The following HHAT variants were observed in gnomAD, a reference collection of about 807,000 sequenced individuals.
HHAT encodes the protein protein-cysteine N-palmitoyltransferase HHAT.
HHAT carries 47 observed loss-of-function variants against 70.8 expected under a neutral mutation model. The observed-to-expected ratio is 0.66, with a 90% confidence interval of 0.53 to 0.85. The LOEUF (loss-of-function observed/expected upper bound fraction) is 0.85. HHAT is among the 40% of genes least tolerant of loss of function. HHAT has a pLI of 0.00. For synonymous variants in HHAT, 228 were observed against 247.6 expected (o/e 0.92, Z 0.74); for missense variants, 609 against 604.8 (o/e 1.01, Z -0.07).
chr1:210,331,615 C>T (rs112308052), intron 1 of HHAT, among the ~76,000 whole-genome samples: 7,414 of 152,270 alleles, frequency 0.049, 235 homozygotes, highest in South Asian at 0.095. Context: ...AATGCTCAAA[C>T]TCTTTTGAAA....
chr1:210,585,811 A>G (rs1660313061), intron 9 of HHAT, among the ~76,000 whole-genome samples: 1 of 152,174 alleles, frequency 6.6e-6, no homozygotes, highest in East Asian at 1.9e-4. Flanking sequence ...AAGAGGAAAC[A>G]TTGGGAAATA....
intron 7 of HHAT, among the ~76,000 whole-genome samples, chr1:210,438,131 C>T (rs1287599432): frequency 6.6e-6 from 1 of 151,652 alleles, no homozygotes; most frequent in Non-Finnish European, 1.5e-5. Context: ...AGGAGGAGTT[C>T]TCTTTTCCTG....
chr1:210,566,609 G>A (rs551645995), intron 9 of HHAT, among the ~76,000 whole-genome samples: 30 of 152,240 alleles, frequency 2.0e-4, no homozygotes, highest in Middle Eastern at 3.4e-3. Flanking sequence ...AAGGGGAGAA[G>A]AGAAGGAATG....
At chr1:210,359,160 GCTT>G (rs1037335976) in intron 2 of HHAT, among the ~76,000 whole-genome samples, 3 of 152,150 alleles carry the variant, frequency 2.0e-5, no homozygotes, top group African/African-American at 7.2e-5. Flanking sequence ...GGCACAGAAG[GCTT>G]CTTTTCTGTT....
At chr1:210,379,725 C>A (rs536186559) in intron 3 of HHAT, among the ~76,000 whole-genome samples, 1 of 152,268 alleles carries the variant, frequency 6.6e-6, no homozygotes, top group Admixed American at 6.5e-5. Flanking sequence ...GTTGTTTGTT[C>A]GTTTATTTAC....
chr1:210,332,987 C>T (rs776097931), intron 1 of HHAT, among the ~76,000 whole-genome samples: 14 of 152,078 alleles, frequency 9.2e-5, no homozygotes, highest in Non-Finnish European at 1.9e-4. Flanking sequence ...GTGACTGAGA[C>T]AAATGTGCAG....
intron 9 of HHAT, among the ~76,000 whole-genome samples, chr1:210,513,894 A>T (rs867003956): frequency 2.6e-5 from 4 of 152,234 alleles, no homozygotes; most frequent in Admixed American, 1.3e-4. Context: ...TTGCCGAAAG[A>T]CTGCAAGCTA....
chr1:210,662,178 A>G (rs1434857151), intron 11 of HHAT, among the ~76,000 whole-genome samples: 3 of 152,184 alleles, frequency 2.0e-5, no homozygotes, highest in African/African-American at 7.2e-5. Context: ...GGAGCTGAAC[A>G]TAAGTTGTAG....
At chr1:210,456,564 G>A (rs778589890) in intron 7 of HHAT, among the ~76,000 whole-genome samples, 10 of 152,190 alleles carry the variant, frequency 6.6e-5, no homozygotes, top group African/African-American at 1.4e-4. Flanking sequence ...GATATAGACC[G>A]TGCACAGGCA....
At chr1:210,668,049 T>C (rs1224890794) in intron 11 of HHAT, among the ~76,000 whole-genome samples, 4 of 152,222 alleles carry the variant, frequency 2.6e-5, no homozygotes, top group African/African-American at 7.2e-5. Context: ...ACATATTTCA[T>C]AGAAATTGAA....
intron 9 of HHAT, among the ~76,000 whole-genome samples, chr1:210,530,218 GAGCACCA>G (rs2095300167): frequency 6.6e-6 from 1 of 152,052 alleles, no homozygotes; most frequent in Non-Finnish European, 1.5e-5. Flanking sequence ...ACTTTGTCCA[GAGCACCA>G]AGAAAAACAG....
chr1:210,425,633 T>TTTTGCCA (rs2093040569), intron 7 of HHAT, among the ~76,000 whole-genome samples: 1 of 152,040 alleles, frequency 6.6e-6, no homozygotes, highest in Admixed American at 6.6e-5. Context: ...CCAGGTGTGT[T>TTTTGCCA]GAAGTTCATA....
At chr1:210,637,335 C>A (rs1332273488) in intron 11 of HHAT, among the ~76,000 whole-genome samples, 1 of 152,160 alleles carries the variant, frequency 6.6e-6, no homozygotes, top group East Asian at 1.9e-4. Flanking sequence ...GATAAATCTT[C>A]ATGACTTTGG....
intron 3 of HHAT, among the ~76,000 whole-genome samples, chr1:210,367,868 G>GTT (rs991540387): frequency 6.6e-6 from 1 of 151,982 alleles, no homozygotes; most frequent in Non-Finnish European, 1.5e-5. Context: ...TCCTTTTTTT[G>GTT]TAATGTTTGC....
At chr1:210,465,358 C>T (rs533972683) in intron 8 of HHAT, among the ~76,000 whole-genome samples, 2 of 152,186 alleles carry the variant, frequency 1.3e-5, no homozygotes, top group Admixed American at 6.5e-5. Context: ...TTGTTTTCTA[C>T]GTGATGGACT....
In HHAT at chr1:210,663,594, G is replaced by T. The variant is rs1027485716; in HGVS notation, c.1391-10694G>T. ...AGGGATGTACCCAGCCAAGCCACAT[G>T]TAATGCTCAGTAAATGTCTGTCTCC... On this transcript the variant is annotated intron_variant, in intron 11 of 11. Coordinates refer to ENST00000261458, the MANE Select transcript of HHAT (RefSeq NM_018194.6). Among the ~76,000 whole-genome samples, 9 of 152,224 alleles carry T rather than the reference G, an allele frequency of 5.9e-5. 1 individual carries two copies. The highest frequency in any genetic ancestry group is 1.5e-5 in the Non-Finnish European group (1 of 68,036).
chr1:210,670,035 A>G (rs1035792095), intron 11 of HHAT, among the ~76,000 whole-genome samples: 2 of 151,906 alleles, frequency 1.3e-5, no homozygotes, highest in Admixed American at 6.6e-5. Context: ...CTGCAGGGGG[A>G]GGAAGTCAGA....
intron 10 of HHAT, among the ~76,000 whole-genome samples, chr1:210,620,121 A>G (rs978139235): frequency 2.6e-5 from 4 of 152,356 alleles, no homozygotes; most frequent in Middle Eastern, 3.4e-3. Flanking sequence ...CTGTAGGACT[A>G]TGGAAAGGAG....
intron 9 of HHAT, among the ~76,000 whole-genome samples, chr1:210,567,701 A>C (rs2148724905): frequency 6.6e-6 from 1 of 152,176 alleles, no homozygotes; most frequent in South Asian, 2.1e-4. Flanking sequence ...AGATTAGAAA[A>C]TTTATGTCCT....
Sources: allele counts gnomAD v4.1 joint callset (sites outside exome capture counted in the v4.1 genomes callset), GRCh38; gene constraint gnomAD v4.1.1; transcripts MANE v1.5; gene names NCBI Gene and HGNC (gene_info 2026-07-23, HGNC 2026-07-21).